Variants in SGCD observed in about 807,000 individuals in gnomAD.
SGCD encodes the protein sarcoglycan delta, also known as delta-sarcoglycan.
Under a neutral mutation model 36.6 loss-of-function variants are expected in SGCD, and 18 were observed. The observed-to-expected ratio is 0.49, with a 90% confidence interval of 0.34 to 0.73. The LOEUF is 0.73. SGCD is among the 30% of genes least tolerant of loss of function. The pLI is 0.01. For synonymous variants in SGCD, 133 were observed against 130.6 expected (o/e 1.02, Z -0.12); for missense variants, 387 against 346.7 (o/e 1.12, Z -0.92).
intron 1 of SGCD, among the ~76,000 whole-genome samples, chr5:155,893,048 C>T (rs1384406516): frequency 6.6e-6 from 1 of 152,260 alleles, no homozygotes. Context: ...TCCCATATTC[C>T]ATTGCACAGT....
chr5:156,752,380 A>C (rs1244513258), intron 7 of SGCD, among the ~76,000 whole-genome samples: 2 of 152,086 alleles, frequency 1.3e-5, no homozygotes, highest in African/African-American at 4.8e-5. Context: ...ATTATACAAA[A>C]CCATTGTCAT....
chr5:156,256,572 T>C (rs1316019057), intron 3 of SGCD, among the ~76,000 whole-genome samples: 2 of 152,196 alleles, frequency 1.3e-5, no homozygotes, highest in Non-Finnish European at 2.9e-5. Context: ...CTCCTCTTGA[T>C]AGATATTTGG....
At chr5:156,115,151 A>C (rs1361002639) in intron 1 of SGCD, among the ~76,000 whole-genome samples, 1 of 152,068 alleles carries the variant, frequency 6.6e-6, no homozygotes, top group Non-Finnish European at 1.5e-5. Flanking sequence ...TTTTTATATT[A>C]ACTTTTTAAT....
intron 1 of SGCD, among the ~76,000 whole-genome samples, chr5:156,080,917 C>T (rs1001152188): frequency 1.2e-4 from 19 of 152,258 alleles, no homozygotes; most frequent in African/African-American, 2.2e-4. Context: ...GTCACCTATA[C>T]GTTTTCACTA....
At chr5:156,649,850 T>G (rs557993756) in intron 7 of SGCD, among the ~76,000 whole-genome samples, 1 of 152,000 alleles carries the variant, frequency 6.6e-6, no homozygotes, top group Non-Finnish European at 1.5e-5. Context: ...ACCCTAAAAT[T>G]TGAAGTATAA....
chr5:156,015,647 C>T (rs572633136), intron 1 of SGCD, among the ~76,000 whole-genome samples: 3 of 150,166 alleles, frequency 2.0e-5, no homozygotes, highest in African/African-American at 7.4e-5. Flanking sequence ...ATATGTATAC[C>T]CTTTTATTTA....
intron 1 of SGCD, among the ~76,000 whole-genome samples, chr5:156,049,652 T>C (rs1759864631): frequency 6.8e-6 from 1 of 146,594 alleles, no homozygotes; most frequent in African/African-American, 2.5e-5. Context: ...TCATAAATAG[T>C]GATTCATTGA....
At chr5:155,983,835 CTTT>C (rs950597238) in intron 1 of SGCD, among the ~76,000 whole-genome samples, 1 of 152,156 alleles carries the variant, frequency 6.6e-6, no homozygotes, top group African/African-American at 2.4e-5. Context: ...ATTGTGGCTT[CTTT>C]ATTGCTCTAC....
intron 1 of SGCD, among the ~76,000 whole-genome samples, chr5:155,990,298 CAAT>C: frequency 6.6e-6 from 1 of 152,150 alleles, no homozygotes; most frequent in South Asian, 2.1e-4. Flanking sequence ...TGTTTAATGT[CAAT>C]AATGGTATTG....
intron 1 of SGCD, among the ~76,000 whole-genome samples, chr5:156,044,120 G>A (rs546312252): frequency 1.1e-3 from 172 of 152,274 alleles, no homozygotes; most frequent in African/African-American, 4.0e-3. Context: ...GGAAGTCAGA[G>A]AAGTCTTCTT....
At position 155,900,078 on chromosome 5, in the gene SGCD, A is replaced by G. The variant is rs906734851; in HGVS notation, c.-282+29654A>G. Among the ~76,000 whole-genome samples, 12 of 152,304 alleles carry G rather than the reference A, an allele frequency of 7.9e-5. No homozygotes were observed. In the East Asian group the frequency reaches 2.3e-3, roughly 29 times the overall value. ...TCTGACTACCTATACATAATCTACTAAAAGCAAATTTGTGTGATTTTTTTG... is the reference window on the plus strand; with the variant it reads ...TCTGACTACCTATACATAATCTACTGAAAGCAAATTTGTGTGATTTTTTTG... On this transcript the variant is annotated intron_variant, in intron 1 of 9. Transcript: ENST00000517913.
At chr5:156,498,357 G>T (rs1048883402) in intron 3 of SGCD, among the ~76,000 whole-genome samples, 1 of 150,742 alleles carries the variant, frequency 6.6e-6, no homozygotes, top group African/African-American at 2.4e-5. Context: ...TAGTAAATTT[G>T]CTTTTATGCA....
intron 1 of SGCD, among the ~76,000 whole-genome samples, chr5:155,914,446 T>G (rs1756695951): frequency 6.6e-6 from 1 of 152,170 alleles, no homozygotes; most frequent in Admixed American, 6.5e-5. Context: ...GTCTCTTGGC[T>G]CCTACCTCAG....
intron 7 of SGCD, among the ~76,000 whole-genome samples, chr5:156,735,108 AT>A (rs1331942286): frequency 6.6e-6 from 1 of 152,080 alleles, no homozygotes; most frequent in Non-Finnish European, 1.5e-5. Context: ...ATCACCTCAG[AT>A]TTTCCAGTAC....
At chr5:156,705,859 T>A (rs1754719627) in intron 7 of SGCD, among the ~76,000 whole-genome samples, 1 of 152,180 alleles carries the variant, frequency 6.6e-6, no homozygotes. Context: ...TCTTGGCCAG[T>A]CCTTTAGTAG....
intron 1 of SGCD, among the ~76,000 whole-genome samples, chr5:156,047,981 C>A (rs1430387898): frequency 2.0e-5 from 3 of 152,226 alleles, no homozygotes; most frequent in Non-Finnish European, 4.4e-5. Flanking sequence ...CATCCCCTCA[C>A]CCCAAAACAG....
At chr5:156,562,653 C>G (rs1242780287) in intron 4 of SGCD, among the ~76,000 whole-genome samples, 2 of 151,926 alleles carry the variant, frequency 1.3e-5, no homozygotes, top group Non-Finnish European at 2.9e-5. Flanking sequence ...AATGACCATT[C>G]AATTTGCTGT....
Position 156,517,647 on chromosome 5 carries a change from C to T in SGCD, c.294+8945C>T, listed in dbSNP as rs185037880. Among the ~76,000 whole-genome samples the T allele has an allele frequency of 4.5e-3, 686 of 152,304 alleles. 4 individuals are homozygous for T. The highest frequency in any genetic ancestry group is 0.014 in the African/African-American group (572 of 41,560). ...CCCATCAGACTAACAGCAGACCCCC[C>T]TCAGCAGAAACCCTACAAGCTAGAA... On this transcript the variant is annotated intron_variant, in intron 4 of 8. Transcript: ENST00000337851.
At chr5:156,722,175 T>C (rs1198076009) in intron 7 of SGCD, among the ~76,000 whole-genome samples, 1 of 152,212 alleles carries the variant, frequency 6.6e-6, no homozygotes, top group African/African-American at 2.4e-5. Context: ...TAGTCGATTC[T>C]CCTTTTGCCT....
Sources: gnomAD v4.1 joint callset for allele counts (sites outside exome capture counted in the v4.1 genomes callset) on GRCh38, gnomAD v4.1.1 for gene constraint, MANE v1.5 for transcripts, NCBI Gene and HGNC (gene_info 2026-07-23, HGNC 2026-07-21) for gene names.